The following TET3 variants were observed in gnomAD, a reference collection of about 807,000 sequenced individuals.
TET3 encodes the protein tet methylcytosine dioxygenase 3, also known as methylcytosine dioxygenase TET3.
Under a neutral mutation model 141.4 loss-of-function variants are expected in TET3, and 19 were observed. The ratio of observed to expected loss-of-function variants is 0.13; its 90% CI spans 0.09 to 0.20. The LOEUF is 0.20. Ranked by LOEUF, TET3 falls within the 10% of genes least tolerant of loss-of-function variation. TET3 has a pLI of 1.00. For synonymous variants in TET3, 1,043 were observed against 980.9 expected, an observed-to-expected ratio of 1.06 and a Z score of -1.18; for missense variants, 1,874 against 2,356.9, an observed-to-expected ratio of 0.80 and a Z score of 4.24.
At chr2:74,002,361 A>T (rs1573656098) in intron 2 of TET3, among the ~76,000 whole-genome samples, 1 of 147,464 alleles carries the variant, frequency 6.8e-6, no homozygotes, top group Non-Finnish European at 1.5e-5. Flanking sequence ...CGAAGCGGGA[A>T]TCCCCCCCCA....
intron 3 of TET3, among the ~76,000 whole-genome samples, chr2:74,024,540 G>A (rs894878855): frequency 9.9e-5 from 15 of 152,108 alleles, no homozygotes; most frequent in Admixed American, 8.5e-4. Flanking sequence ...CCAGGGTGGT[G>A]TCTGGGGCTC....
At chr2:74,110,389 T>G (rs961996099), downstream of TET3, among the ~76,000 whole-genome samples, 3 of 152,210 alleles carry the variant, frequency 2.0e-5, no homozygotes, top group African/African-American at 7.2e-5. Flanking sequence ...CTTGTAAGCT[T>G]CTTAAGCTTG....
At chr2:74,004,841 G>T (rs974902984) in intron 3 of TET3, among the ~76,000 whole-genome samples, 1 of 152,190 alleles carries the variant, frequency 6.6e-6, no homozygotes, top group Non-Finnish European at 1.5e-5. Flanking sequence ...CTGCTGGCTG[G>T]AGGAGTTGTA....
chr2:74,011,912 A>C (rs114550133), intron 3 of TET3, among the ~76,000 whole-genome samples: 1,630 of 150,882 alleles, frequency 0.011, 26 homozygotes, highest in African/African-American at 0.037. Context: ...AGCAAAAGAG[A>C]GGAATTTGTC....
At chr2:74,034,611 G>A (rs1686929783) in intron 3 of TET3, among the ~76,000 whole-genome samples, 1 of 149,054 alleles carries the variant, frequency 6.7e-6, no homozygotes, top group African/African-American at 2.5e-5. Context: ...TGTAGATTCT[G>A]GGATTCATTG....
intron 3 of TET3, among the ~76,000 whole-genome samples, chr2:74,016,723 A>AAAAC (rs534648191): frequency 0.026 from 3,757 of 143,998 alleles, 161 homozygotes; most frequent in African/African-American, 0.095. Context: ...CTCTGTCTCA[A>AAAAC]AAACAAACAA....
At chr2:74,129,598 TC>T in the TET3 span, among the ~76,000 whole-genome samples, 1 of 151,828 alleles carries the variant, frequency 6.6e-6, no homozygotes, top group South Asian at 2.1e-4. Context: ...ACCACTGTGC[TC>T]CAGCCTGGGA....
At chr2:74,125,726 G>A in the TET3 span, among the ~76,000 whole-genome samples, 1 of 151,570 alleles carries the variant, frequency 6.6e-6, no homozygotes, top group African/African-American at 2.4e-5. Context: ...ATAGAGATGA[G>A]GTCTCACTGT....
At chr2:74,056,104 G>A (rs1375908210) in intron 4 of TET3, among the ~76,000 whole-genome samples, 1 of 152,202 alleles carries the variant, frequency 6.6e-6, no homozygotes, top group African/African-American at 2.4e-5. Context: ...GTGTGATCTT[G>A]ACATCTGTAC....
At chr2:73,992,699 A>T (rs1684397037) in intron 2 of TET3, among the ~76,000 whole-genome samples, 1 of 152,188 alleles carries the variant, frequency 6.6e-6, no homozygotes, top group Non-Finnish European at 1.5e-5. Context: ...TTATGGAATT[A>T]TGATGATTGA....
intron 3 of TET3, among the ~76,000 whole-genome samples, chr2:74,003,424 G>GT (rs768499958): frequency 0.011 from 1,424 of 130,090 alleles, 9 homozygotes; most frequent in South Asian, 0.02. Context: ...TTGTTGAACT[G>GT]TTTTTTTTTT....
chr2:73,986,373 C>T lies in TET3; in HGVS notation c.-31C>T. ...GCAGGAAACGACTGTGGTTCTGCCC[C>T]AGCACCTATGACCCCACCTCTGGCA... On this transcript the variant is annotated 5_prime_UTR_variant, in exon 2 of 12. Coordinates refer to ENST00000409262, the MANE Select transcript of TET3 (RefSeq NM_001287491.2). 1 of 1,232,176 alleles carries T rather than the reference C, an allele frequency of 8.1e-7. No individual in the cohort carries two copies. Among genetic ancestry groups the T allele is most frequent in the Non-Finnish European group, 1.0e-6 (1 of 988,130 alleles). 76.3% of individuals were successfully genotyped at this position (1,232,176 alleles called of 1,614,324 possible). A position where few individuals can be genotyped will look rare whatever the true frequency, so the allele number is the denominator to read the frequency against.
chr2:74,117,014 G>A, the TET3 span, among the ~76,000 whole-genome samples: 1,682 of 152,250 alleles, frequency 0.011, 24 homozygotes, highest in African/African-American at 0.037. Context: ...GCAAGGGAGA[G>A]GGGAGCGGGG....
downstream of TET3, among the ~76,000 whole-genome samples, chr2:74,108,373 G>A (rs1157460699): frequency 1.3e-5 from 2 of 152,178 alleles, no homozygotes; most frequent in Non-Finnish European, 2.9e-5. Flanking sequence ...CTGTTAAAAC[G>A]GGATCTAAAG....
chr2:74,008,960 G>A (rs1437963228), intron 3 of TET3, among the ~76,000 whole-genome samples: 5 of 152,132 alleles, frequency 3.3e-5, no homozygotes, highest in African/African-American at 9.7e-5. Flanking sequence ...CTAACCTCAT[G>A]GGCTTTGCAA....
rs1389577431 is a variant in TET3, at chr2:74,099,391, A to G, written c.3383A>G (p.Glu1128Gly). The change falls in exon 11 of 12, where the codon GAG becomes GGG. Residue 1128 changes from glutamate to glycine, a missense_variant. Physicochemically the swap from Glu to Gly is moderately conservative, Grantham distance 98. Coordinates refer to ENST00000409262, the MANE Select transcript of TET3 (RefSeq NM_001287491.2). ...AACACGGATGAGTTTGGTAGCGAGG[A>G]GAACCAGAATGCAAAGGTGGGCAGC... ...MANTDEFGSEENQNAKVGSGA... is the reference protein window; with the variant it reads ...MANTDEFGSEGNQNAKVGSGA... 2 of 1,614,042 alleles carry G rather than the reference A, an allele frequency of 1.2e-6. No homozygotes were observed. Among genetic ancestry groups the G allele is most frequent in the African/African-American group, 2.7e-5 (2 of 75,062 alleles).
At chr2:74,129,035 C>G in the TET3 span, among the ~76,000 whole-genome samples, 1 of 146,142 alleles carries the variant, frequency 6.8e-6, no homozygotes, top group Non-Finnish European at 1.5e-5. Flanking sequence ...CATGATGGCT[C>G]ACACCTATAA....
chr2:74,047,508 C>T lies in TET3; in HGVS notation c.1591C>T (p.His531Tyr). The change falls in exon 4 of 12, where the codon CAC (histidine) becomes TAC (tyrosine). Residue 531 changes from histidine (H) to tyrosine (Y), a missense_variant. Coordinates refer to ENST00000409262, the MANE Select transcript of TET3 (RefSeq NM_001287491.2). ...GAAGGCCCAGACCGCCCTGCAGCAG[C>T]ACCTCCACCACAAGCGCAGCCTCTT... ...HQKAQTALQQHLHHKRSLFLE... is the reference protein window; with the variant it reads ...HQKAQTALQQYLHHKRSLFLE... 1.9e-6 allele frequency: 3 copies of T among 1,613,158 alleles called. No individual in the cohort carries two copies. The highest frequency in any genetic ancestry group is 2.5e-6 in the Non-Finnish European group (3 of 1,179,872).
intron 6 of TET3, among the ~76,000 whole-genome samples, chr2:74,082,648 T>C (rs552117608): frequency 6.6e-6 from 1 of 152,318 alleles, no homozygotes; most frequent in East Asian, 1.9e-4. Flanking sequence ...CTGAGGGCTT[T>C]ATTTTTTCTG....
Sources: allele counts gnomAD v4.1 joint callset (sites outside exome capture counted in the v4.1 genomes callset), GRCh38; gene constraint gnomAD v4.1.1; transcripts MANE v1.5; gene names NCBI Gene and HGNC (gene_info 2026-07-23, HGNC 2026-07-21).